The following LHFPL3 variants were observed in gnomAD, a reference collection of about 807,000 sequenced individuals.
LHFPL3 encodes the protein LHFPL tetraspan subfamily member 3.
LHFPL3 carries 5 observed loss-of-function variants against 19.3 expected under a neutral mutation model. The ratio of observed to expected loss-of-function variants is 0.26; its 90% CI spans 0.14 to 0.54. The LOEUF is 0.54. Ranked by LOEUF, LHFPL3 falls within the 20% of genes least tolerant of loss-of-function variation. LHFPL3 has a pLI of 0.94. For missense variants in LHFPL3, 249 were observed against 307.4 expected (o/e 0.81, Z 1.42); for synonymous variants, 133 against 126.2 (o/e 1.05, Z -0.36).
chr7:104,811,862 G>C (rs373002261), intron 2 of LHFPL3, among the ~76,000 whole-genome samples: 16 of 152,292 alleles, frequency 1.1e-4, no homozygotes, highest in African/African-American at 3.9e-4. Context: ...ATGTCATTAT[G>C]AGAGAAAGCT....
At chr7:104,790,142 C>T (rs1789993776) in intron 2 of LHFPL3, among the ~76,000 whole-genome samples, 1 of 152,172 alleles carries the variant, frequency 6.6e-6, no homozygotes, top group South Asian at 2.1e-4. Context: ...TGCACTCTAG[C>T]CTAGCTACCT....
chr7:104,855,259 G>T (rs375002768), intron 2 of LHFPL3, among the ~76,000 whole-genome samples: 2 of 152,166 alleles, frequency 1.3e-5, no homozygotes, highest in Admixed American at 1.3e-4. Flanking sequence ...AGCCCAGACT[G>T]GGGGAGCTTA....
intron 1 of LHFPL3, among the ~76,000 whole-genome samples, chr7:104,660,608 T>C (rs909600834): frequency 2.0e-5 from 3 of 152,222 alleles, no homozygotes; most frequent in Non-Finnish European, 2.9e-5. Flanking sequence ...TGATGTGAGC[T>C]TTCTATTTAC....
chr7:104,428,912 A>C (rs1390487878), intron 1 of LHFPL3, among the ~76,000 whole-genome samples: 1 of 152,178 alleles, frequency 6.6e-6, no homozygotes, highest in African/African-American at 2.4e-5. Context: ...ACTAGCCTCT[A>C]GGAGTTGAAC....
intron 2 of LHFPL3, among the ~76,000 whole-genome samples, chr7:104,779,003 G>A (rs960459346): frequency 7.9e-5 from 12 of 152,090 alleles, no homozygotes; most frequent in African/African-American, 2.9e-4. Flanking sequence ...GGATCTCATC[G>A]TTGCCTCTTT....
intron 1 of LHFPL3, among the ~76,000 whole-genome samples, chr7:104,468,003 G>T (rs763901400): frequency 6.6e-5 from 10 of 152,182 alleles, no homozygotes; most frequent in African/African-American, 1.4e-4. Context: ...AGAGGTATCT[G>T]TCTGTTCAGT....
intron 1 of LHFPL3, among the ~76,000 whole-genome samples, chr7:104,648,071 A>C (rs768623330): frequency 1.3e-5 from 2 of 152,210 alleles, no homozygotes; most frequent in Non-Finnish European, 2.9e-5. Flanking sequence ...AGTTTCTATT[A>C]GATATTTAGT....
chr7:104,589,387 T>A (rs1314051252), intron 1 of LHFPL3, among the ~76,000 whole-genome samples: 1 of 152,248 alleles, frequency 6.6e-6, no homozygotes, highest in Non-Finnish European at 1.5e-5. Context: ...TTTTTGTCTT[T>A]GGCTCTGTTT....
chr7:104,865,453 T>C (rs1263936514), intron 2 of LHFPL3, among the ~76,000 whole-genome samples: 1 of 152,074 alleles, frequency 6.6e-6, no homozygotes, highest in East Asian at 1.9e-4. Flanking sequence ...GCCGATTCGA[T>C]CAACTGGAAG....
At chr7:104,824,589 A>G (rs1790775140) in intron 2 of LHFPL3, among the ~76,000 whole-genome samples, 1 of 76,880 alleles carries the variant, frequency 1.3e-5, no homozygotes, top group African/African-American at 5.4e-5. Flanking sequence ...TATAATATAT[A>G]TAATTATATA....
chr7:104,415,430 G>C (rs1007598393), intron 1 of LHFPL3, among the ~76,000 whole-genome samples: 11 of 152,060 alleles, frequency 7.2e-5, no homozygotes, highest in Non-Finnish European at 1.3e-4. Flanking sequence ...ATAAATTATA[G>C]TATTGAATTG....
intron 1 of LHFPL3, among the ~76,000 whole-genome samples, chr7:104,422,903 G>A (rs75290130): frequency 0.022 from 3,294 of 152,294 alleles, 120 homozygotes; most frequent in African/African-American, 0.075. Context: ...AGGCTATTGG[G>A]AGAGATATTA....
intron 1 of LHFPL3, among the ~76,000 whole-genome samples, chr7:104,537,856 C>T (rs1033965992): frequency 2.6e-5 from 4 of 152,186 alleles, no homozygotes; most frequent in African/African-American, 9.7e-5. Flanking sequence ...AACTTATATA[C>T]AGTCCTGCGC....
intron 1 of LHFPL3, among the ~76,000 whole-genome samples, chr7:104,464,773 C>T (rs114359995): frequency 0.026 from 3,988 of 152,300 alleles, 155 homozygotes; most frequent in African/African-American, 0.091. Context: ...ACCATTTTTC[C>T]CTCCTAGGCC....
At chr7:104,506,331 A>C (rs1158425272) in intron 1 of LHFPL3, among the ~76,000 whole-genome samples, 1 of 151,480 alleles carries the variant, frequency 6.6e-6, no homozygotes, top group Non-Finnish European at 1.5e-5. Flanking sequence ...CTGAACTCCT[A>C]CTCATTCTTC....
chr7:104,889,630 A>T (rs1212051115), intron 2 of LHFPL3, among the ~76,000 whole-genome samples: 3 of 152,058 alleles, frequency 2.0e-5, no homozygotes, highest in Non-Finnish European at 4.4e-5. Context: ...ACAGAGCAAG[A>T]CTCTGTCTCA....
intron 2 of LHFPL3, among the ~76,000 whole-genome samples, chr7:104,866,263 T>A (rs1791720193): frequency 6.6e-6 from 1 of 152,154 alleles, no homozygotes. Context: ...ATGCTCCAAT[T>A]AAAAGACACA....
chr7:104,518,116 A>C (rs1793958249), intron 1 of LHFPL3, among the ~76,000 whole-genome samples: 1 of 152,222 alleles, frequency 6.6e-6, no homozygotes, highest in Non-Finnish European at 1.5e-5. Context: ...CAACAATAGG[A>C]ATAACAACAA....
intron 1 of LHFPL3, among the ~76,000 whole-genome samples, chr7:104,365,861 G>A (rs1414878210): frequency 6.6e-6 from 1 of 151,808 alleles, no homozygotes; most frequent in Non-Finnish European, 1.5e-5. Context: ...GGGGAGGGGA[G>A]ATGGATATAC....
Sources: gnomAD v4.1 joint callset for allele counts (sites outside exome capture counted in the v4.1 genomes callset) on GRCh38, gnomAD v4.1.1 for gene constraint, MANE v1.5 for transcripts, NCBI Gene and HGNC (gene_info 2026-07-23, HGNC 2026-07-21) for gene names.